Variants in GHRHR observed in about 807,000 individuals in gnomAD.
GHRHR encodes growth hormone-releasing hormone receptor.
Under a neutral mutation model 58.3 loss-of-function variants are expected in GHRHR, and 40 were observed. The ratio of observed to expected loss-of-function variants is 0.69; its 90% CI spans 0.53 to 0.89. The LOEUF (loss-of-function observed/expected upper bound fraction) is 0.89, where lower values mean the gene tolerates loss of function less well. Ranked by LOEUF, GHRHR falls within the 40% of genes least tolerant of loss-of-function variation. The pLI, the probability that GHRHR is intolerant of heterozygous loss-of-function variation, is 0.00. For synonymous variants in GHRHR, 249 were observed against 216.6 expected (o/e 1.15, Z -1.31); for missense variants, 551 against 541.3 (o/e 1.02, Z -0.18).
At chr7:30,975,444 G>A (rs1052469125) in intron 9 of GHRHR, among the ~76,000 whole-genome samples, 1 of 152,204 alleles carries the variant, frequency 6.6e-6, no homozygotes, top group Non-Finnish European at 1.5e-5. Flanking sequence ...ATGTACAAAT[G>A]TTTTGCAACT....
chr7:30,974,609 G>A (rs888280153), intron 8 of GHRHR, 120 bp downstream of exon 8: 8 of 787,606 alleles, frequency 1.0e-5, no homozygotes, highest in African/African-American at 6.7e-5. Flanking sequence ...GCCCGGCTAG[G>A]ATGGGGGGTG....
intron 12 of GHRHR, among the ~76,000 whole-genome samples, chr7:30,977,927 G>A (rs930462901): frequency 3.3e-5 from 5 of 152,212 alleles, no homozygotes; most frequent in Non-Finnish European, 5.9e-5. Context: ...AGAGACTGAC[G>A]CAAAGTGAAT....
intron 7 of GHRHR, 23 bp from the exon 8 acceptor site, chr7:30,974,406 G>C (rs747780866): frequency 6.3e-7 from 1 of 1,574,928 alleles, no homozygotes; most frequent in African/African-American, 1.4e-5. Flanking sequence ...TCCCTCGCTT[G>C]TGTCTTCCCT....
At chr7:30,974,947 C>T (rs757801797) in intron 8 of GHRHR, 24 bp from the exon 9 acceptor site, 17 of 1,554,434 alleles carry the variant, frequency 1.1e-5, no homozygotes, top group South Asian at 6.7e-5. Context: ...TTTCCAACAA[C>T]GGCCTTCTTT....
chr7:30,974,485 A>G lies in GHRHR; in HGVS notation c.808A>G (p.Ile270Val). 1 of 1,610,678 alleles carries G rather than the reference A, an allele frequency of 6.2e-7. No individual in the cohort carries two copies. Among genetic ancestry groups the G allele is most frequent in the Non-Finnish European group, 8.5e-7 (1 of 1,176,846 alleles). ...GAGCTGCAAACTGGCCTTCGAGGAC[A>G]TCGCGTGAGTCGGAGCGGCCACCTT... ...WVSCKLAFED[I>V]ACWDLDDTSP... is the part of the protein sequence containing the mutation. Residue 270 changes from isoleucine to valine, a missense_variant, in exon 8 of 13, where the codon ATC becomes GTC. Coordinates refer to ENST00000326139, the MANE Select transcript of GHRHR (RefSeq NM_000823.4).
intron 6 of GHRHR, among the ~76,000 whole-genome samples, chr7:30,973,705 G>T (rs1376406139): frequency 2.0e-5 from 3 of 152,208 alleles, no homozygotes; most frequent in African/African-American, 7.2e-5. Context: ...CTTGATCTAG[G>T]TATTGGAGGT....
At chr7:30,969,772 A>T (rs771592803) in intron 3 of GHRHR, 95 bp from the exon 4 acceptor site, 2 of 1,232,530 alleles carry the variant, frequency 1.6e-6, no homozygotes. Flanking sequence ...GTCCATGCAA[A>T]CCCTGCCAGG....
rs1344969312 is a variant in GHRHR at position 30,968,921 on chromosome 7, C to T, written c.145C>T (p.Pro49Ser). The T allele has an allele frequency of 3.1e-6, 5 of 1,611,512 alleles. No homozygotes were observed. Among genetic ancestry groups the T allele is most frequent in the East Asian group, 4.5e-5 (2 of 44,848 alleles). Residue 49 changes from proline (P) to serine (S), a missense_variant, in exon 2 of 13, where the codon CCC becomes TCC. Physicochemically the swap from Pro to Ser is moderately conservative, Grantham distance 74. Transcript: ENST00000326139. ...CTGTCTACAAGCAGCAGAGGAGATG[C>T]CCAACACCACCCTGGGTATGGGGCC... The part of the protein sequence containing the change: ...SACLQAAEEM[P>S]NTTLGCPATW...
intron 1 of GHRHR, among the ~76,000 whole-genome samples, chr7:30,967,213 G>A (rs1792375935): frequency 6.6e-6 from 1 of 152,146 alleles, no homozygotes; most frequent in Non-Finnish European, 1.5e-5. Context: ...TGGGGCGGTG[G>A]GAGGGAGAAG....
At chr7:30,973,425 G>T (rs1792514180) in intron 6 of GHRHR, among the ~76,000 whole-genome samples, 1 of 152,220 alleles carries the variant, frequency 6.6e-6, no homozygotes, top group South Asian at 2.1e-4. Flanking sequence ...AGGAGAGACA[G>T]TTGGCAAGGT....
Position 30,976,293 on chromosome 7 carries a change from G to A in GHRHR, c.975-136G>A. The stretch of plus-strand genomic sequence containing the variant: ...AGAAATAAAAAAGCCCAGAGTGATT[G>A]TGGGGAGGTGGCGTTTCCCAAGGTG... On this transcript the variant is annotated intron_variant, in intron 10 of 12. Coordinates refer to ENST00000326139, the MANE Select transcript of GHRHR (RefSeq NM_000823.4). 5.1e-6 allele frequency: 4 copies of A among 779,208 alleles called. No individual in the cohort carries two copies. The South Asian group carries it at 5.6e-5, about 11-fold the overall frequency. 48.3% of individuals were successfully genotyped at this position (779,208 alleles called of 1,614,324 possible).
At chr7:30,974,573 G>A in intron 8 of GHRHR, 84 bp downstream of exon 8, 1 of 1,006,748 alleles carries the variant, frequency 9.9e-7, no homozygotes, top group Admixed American at 1.7e-5. Context: ...CTGTTCTCCA[G>A]GCTGGGAAGA....
chr7:30,979,244 G>A lies in GHRHR; in HGVS notation c.1272G>A (p.Ter424=). 1 of 1,613,764 alleles carries A rather than the reference G, an allele frequency of 6.2e-7. No homozygotes were observed. Among genetic ancestry groups the A allele is most frequent in the Non-Finnish European group, 8.5e-7 (1 of 1,179,844 alleles). Residue 424 remains the stop codon, a stop_retained_variant, in exon 13 of 13, where the codon TAG becomes TAA. Coordinates refer to ENST00000326139, the MANE Select transcript of GHRHR (RefSeq NM_000823.4). The part of the protein sequence containing the change: ...SAAKVLTSMC[*] ...CAAAGGTGCTGACATCTATGTGCTA[G>A]GCTGCCTCATCACGCCACTGGAGTC...
chr7:30,971,182 C>G lies in GHRHR; in HGVS notation c.430C>G (p.Leu144Val). 1 of 1,522,866 alleles carries G rather than the reference C, an allele frequency of 6.6e-7. No homozygotes were observed. The highest frequency in any genetic ancestry group is 8.9e-7 in the Non-Finnish European group (1 of 1,117,498). 94.3% of individuals were successfully genotyped at this position (1,522,866 alleles called of 1,614,324 possible). A position where few individuals can be genotyped will look rare whatever the true frequency, so the allele number is the denominator to read the frequency against. ...TVGHSISIVA[L>V]FVAITILVAL... is the part of the protein sequence containing the mutation. Reference sequence around the variant, plus strand: ...GGGCCATAGCATCTCTATTGTAGCCCTCTTCGTGGCCATCACCATCCTGGT... The same window carrying G: ...GGGCCATAGCATCTCTATTGTAGCCGTCTTCGTGGCCATCACCATCCTGGT... The change falls in exon 5 of 13, where the codon CTC (leucine) becomes GTC (valine). Residue 144 changes from leucine (L) to valine (V), a missense_variant. Physicochemically the swap from Leu to Val is conservative, Grantham distance 32 (BLOSUM62 1). Coordinates refer to ENST00000326139, the MANE Select transcript of GHRHR (RefSeq NM_000823.4).
intron 12 of GHRHR, among the ~76,000 whole-genome samples, 177 bp downstream of exon 12, chr7:30,977,499 T>C (rs931987010): frequency 6.6e-6 from 1 of 152,236 alleles, no homozygotes; most frequent in African/African-American, 2.4e-5. Context: ...GAATGTTTCC[T>C]GTAAACATCT....
intron 12 of GHRHR, among the ~76,000 whole-genome samples, 196 bp from the exon 13 acceptor site, chr7:30,978,923 T>A (rs1792636342): frequency 6.6e-6 from 1 of 152,224 alleles, no homozygotes; most frequent in Non-Finnish European, 1.5e-5. Flanking sequence ...AAAAGAATGG[T>A]GAGAAATACT....
In GHRHR at chr7:30,979,332, T is replaced by A. The variant is rs578006876; in HGVS notation, c.*88T>A. 8 of 1,356,896 alleles carry A rather than the reference T, an allele frequency of 5.9e-6. No individual in the cohort carries two copies. The African/African-American group carries it at 1.0e-4, about 17-fold the overall frequency. The allele number at this position is 1,356,896 out of a possible 1,614,324, so 84.1% of individuals were successfully genotyped here. A position where few individuals can be genotyped will look rare whatever the true frequency, so the allele number is the denominator to read the frequency against. ...GCTCTGGAGGAGCAAGGGGGCCACA[T>A]CCCCACCCCAGCTGTTACCCAGCCC... On this transcript the variant is annotated 3_prime_UTR_variant, in exon 13 of 13. Transcript: ENST00000326139.
At position 30,972,020 on chromosome 7, in the gene GHRHR, C is replaced by T. The variant is rs1792490570; in HGVS notation, c.522C>T (p.Leu174=). The change falls in exon 6 of 13, where the codon CTC becomes CTT. Residue 174 remains leucine (L), a synonymous_variant. Transcript: ENST00000326139. The part of the protein sequence containing the change: ...VHTQLFTTFI[L]KAGAVFLKDA... ...CCCAGCTGTTCACCACTTTTATCCT[C>T]AAGGCGGGAGCTGTGTTCCTGAAGG... The T allele has an allele frequency of 6.2e-7, 1 of 1,613,920 alleles. No individual in the cohort carries two copies.
chr7:30,964,081 A>T lies in GHRHR; in HGVS notation c.13A>T (p.Met5Leu). 5.2e-6 allele frequency: 8 copies of T among 1,550,604 alleles called. No homozygotes were observed. Among genetic ancestry groups the T allele is most frequent in the Non-Finnish European group, 7.0e-6 (8 of 1,146,956 alleles). The change falls in exon 1 of 13, where the codon ATG becomes TTG. Residue 5 changes from methionine to leucine, a missense_variant. By Grantham distance (15) the Met-to-Leu change is conservative. Coordinates refer to ENST00000326139, the MANE Select transcript of GHRHR (RefSeq NM_000823.4). MDRR[M>L]WGAHVFCVLS... Reference sequence around the variant, plus strand: ...TGCTGGGCTCACCATGGACCGCCGGATGTGGGGGGCCCACGTCTTCTGCGT... The same window carrying T: ...TGCTGGGCTCACCATGGACCGCCGGTTGTGGGGGGCCCACGTCTTCTGCGT...
Sources: gnomAD v4.1 joint callset for allele counts (sites outside exome capture counted in the v4.1 genomes callset) on GRCh38, gnomAD v4.1.1 for gene constraint, MANE v1.5 for transcripts, NCBI Gene and HGNC (gene_info 2026-07-23, HGNC 2026-07-21) for gene names.